Variants in SPCS2 observed in about 807,000 individuals in gnomAD.
SPCS2 encodes the protein signal peptidase complex subunit 2.
Under a neutral mutation model 22.3 loss-of-function variants are expected in SPCS2, and 3 were observed. The observed-to-expected ratio is 0.13, with a 90% CI of 0.06 to 0.35. The LOEUF is 0.35. Ranked by LOEUF, SPCS2 falls within the 10% of genes least tolerant of loss-of-function variation. SPCS2 has a pLI of 1.00. For synonymous variants in SPCS2, 67 were observed against 97.2 expected (o/e 0.69, Z 1.83); for missense variants, 169 against 280.9 (o/e 0.60, Z 2.85).
rs572807260 is a variant in SPCS2 at position 74,954,745 on chromosome 11, T to C, written c.114+5346T>C. Among the ~76,000 whole-genome samples the C allele has an allele frequency of 1.1e-3, 160 of 152,310 alleles. 1 individual carries two copies. The highest frequency in any genetic ancestry group is 2.5e-3 in the Admixed American group (39 of 15,300). On this transcript the variant is annotated intron_variant, in intron 1 of 4. Transcript: ENST00000263672. ...TTATTTCCTCAAAATAAAAAGTATG[T>C]GTGTGTCAAAGGCCACTATCAAGAA... is the stretch of plus-strand genomic sequence containing the variant.
chr11:74,972,098 C>G (rs1181018594), intron 4 of SPCS2, among the ~76,000 whole-genome samples: 1 of 151,788 alleles, frequency 6.6e-6, no homozygotes, highest in Non-Finnish European at 1.5e-5. Context: ...TGGAGTTTCA[C>G]TCTTGTCACC....
At chr11:74,966,608 T>TA (rs1948547293) in intron 3 of SPCS2, among the ~76,000 whole-genome samples, 3 of 152,218 alleles carry the variant, frequency 2.0e-5, no homozygotes, top group Admixed American at 6.5e-5. Flanking sequence ...CCCTCTTTTT[T>TA]ATGATAAATG....
At position 74,967,618 on chromosome 11, in the gene SPCS2, G is replaced by A. The variant is rs949190637; in HGVS notation, c.359+1695G>A. On this transcript the variant is annotated intron_variant, in intron 3 of 4. Coordinates refer to ENST00000263672, the MANE Select transcript of SPCS2 (RefSeq NM_014752.3). Reference sequence around the variant, plus strand: ...ACAAAAATTAGCTGGGCATGGTGGCGCATGCCTGTAGTCCCAGATAGTTGG... The same window carrying A: ...ACAAAAATTAGCTGGGCATGGTGGCACATGCCTGTAGTCCCAGATAGTTGG... 4.6e-5 allele frequency among the ~76,000 whole-genome samples: 7 copies of A among 152,064 alleles called. No individual in the cohort carries two copies. The South Asian group carries it at 1.0e-3, about 23-fold the overall frequency.
At chr11:74,969,780 A>G (rs1948569957) in intron 4 of SPCS2, 81 bp downstream of exon 4, 3 of 1,487,504 alleles carry the variant, frequency 2.0e-6, no homozygotes, top group South Asian at 1.1e-5. Context: ...AAGACTTATT[A>G]TGTGCCTACT....
intron 4 of SPCS2, among the ~76,000 whole-genome samples, chr11:74,971,861 A>G (rs1948586707): frequency 6.6e-6 from 1 of 152,212 alleles, no homozygotes; most frequent in Non-Finnish European, 1.5e-5. Context: ...GCCCCTCTCA[A>G]AATACATTCT....
At chr11:74,966,560 G>T (rs763849602) in intron 3 of SPCS2, among the ~76,000 whole-genome samples, 3 of 152,060 alleles carry the variant, frequency 2.0e-5, no homozygotes, top group Non-Finnish European at 2.9e-5. Flanking sequence ...TTAAATGAGA[G>T]ATTTTATATT....
intron 1 of SPCS2, among the ~76,000 whole-genome samples, chr11:74,950,464 G>C (rs539726748): frequency 1.5e-3 from 235 of 152,314 alleles, no homozygotes; most frequent in Non-Finnish European, 2.6e-3. Flanking sequence ...AGGTGCTTAA[G>C]AAATGAAAAC....
chr11:74,968,518 GT>G (rs60284428), intron 3 of SPCS2, among the ~76,000 whole-genome samples: 7,384 of 120,150 alleles, frequency 0.061, 561 homozygotes, highest in African/African-American at 0.21. Context: ...GGTTTTTTTT[GT>G]TTTTTTTTTT....
intron 4 of SPCS2, among the ~76,000 whole-genome samples, chr11:74,971,646 C>G (rs907301636): frequency 6.6e-6 from 1 of 152,168 alleles, no homozygotes; most frequent in Non-Finnish European, 1.5e-5. Context: ...GTCTTATTCC[C>G]ACTGCCAGGT....
intron 1 of SPCS2, among the ~76,000 whole-genome samples, chr11:74,951,445 C>T (rs1022440749): frequency 1.3e-5 from 2 of 152,104 alleles, no homozygotes; most frequent in South Asian, 2.1e-4. Flanking sequence ...ATGGTATATT[C>T]GCTCAAGTGT....
intron 3 of SPCS2, among the ~76,000 whole-genome samples, chr11:74,967,608 G>T (rs1948554515): frequency 6.6e-6 from 1 of 152,176 alleles, no homozygotes; most frequent in South Asian, 2.1e-4. Flanking sequence ...AATTAGCTGG[G>T]CATGGTGGCG....
chr11:74,978,222 A>C lies in SPCS2; in HGVS notation c.*1179A>C, dbSNP rs1288277127. ...TTTCCCTACAGCCTTACAAAACATC[A>C]ATTTTGGCTGAGCCTAGTACCCAAC... On this transcript the variant is annotated 3_prime_UTR_variant, in exon 5 of 5. Coordinates refer to ENST00000263672, the MANE Select transcript of SPCS2 (RefSeq NM_014752.3). 6.6e-6 allele frequency: 1 copy of C among 152,204 alleles called. No homozygotes were observed. The highest frequency in any genetic ancestry group is 2.4e-5 in the African/African-American group (1 of 41,452). 9.4% of individuals were successfully genotyped at this position (152,204 alleles called of 1,614,324 possible).
intron 1 of SPCS2, among the ~76,000 whole-genome samples, chr11:74,953,900 C>G (rs991027014): frequency 6.6e-6 from 1 of 152,272 alleles, no homozygotes; most frequent in African/African-American, 2.4e-5. Context: ...TTATCTAGAC[C>G]CTTTTAGCCT....
At chr11:74,954,781 GAC>G (rs1001955007) in intron 1 of SPCS2, among the ~76,000 whole-genome samples, 104 of 152,084 alleles carry the variant, frequency 6.8e-4, no homozygotes, top group African/African-American at 2.4e-3. Flanking sequence ...AGTGAAAAAA[GAC>G]AATCTACAGA....
rs565121735 is a variant in SPCS2 at position 74,978,933 on chromosome 11, A to T, written c.*1890A>T. On this transcript the variant is annotated 3_prime_UTR_variant, in exon 5 of 5. Coordinates refer to ENST00000263672, the MANE Select transcript of SPCS2 (RefSeq NM_014752.3). ...TTTTAACAAAAATTGAATTATGTTG[A>T]TATATGTCCTGTAATTTGTGTTTTA... The T allele has an allele frequency of 6.6e-6, 1 of 152,214 alleles. No individual in the cohort carries two copies. The highest frequency in any genetic ancestry group is 2.4e-5 in the African/African-American group (1 of 41,526). 9.4% of individuals were successfully genotyped at this position (152,214 alleles called of 1,614,324 possible).
intron 1 of SPCS2, among the ~76,000 whole-genome samples, chr11:74,956,510 G>A (rs1948479646): frequency 6.6e-6 from 1 of 151,734 alleles, no homozygotes; most frequent in East Asian, 1.9e-4. Flanking sequence ...TCTTTGCTTT[G>A]TACTCCACAG....
At chr11:74,958,836 T>C (rs897980911) in intron 1 of SPCS2, among the ~76,000 whole-genome samples, 4 of 152,160 alleles carry the variant, frequency 2.6e-5, no homozygotes, top group Non-Finnish European at 5.9e-5. Context: ...ATTGAGGCTC[T>C]GCACTTACAT....
intron 1 of SPCS2, among the ~76,000 whole-genome samples, chr11:74,960,440 G>T (rs138924801): frequency 6.0e-5 from 9 of 151,104 alleles, no homozygotes; most frequent in South Asian, 4.2e-4. Flanking sequence ...TTTTACATTG[G>T]GGGGGGAGGT....
rs371766007 is a variant in SPCS2, at chr11:74,969,530, A to G, written c.360-35A>G. On this transcript the variant is annotated intron_variant, in intron 3 of 4. Coordinates refer to ENST00000263672, the MANE Select transcript of SPCS2 (RefSeq NM_014752.3). ...TGTCAATTTGTGTTACTTCTCTTTT[A>G]TGTTTGGGTATTTTCCCCTTAACTT... 10 of 1,599,510 alleles carry G rather than the reference A, an allele frequency of 6.3e-6. No individual in the cohort carries two copies. In the African/African-American group the frequency reaches 1.2e-4, roughly 19 times the overall value.
Sources: gnomAD v4.1 joint callset for allele counts (sites outside exome capture counted in the v4.1 genomes callset) on GRCh38, gnomAD v4.1.1 for gene constraint, MANE v1.5 for transcripts, NCBI Gene and HGNC (gene_info 2026-07-23, HGNC 2026-07-21) for gene names.